GRID2: variants seen among roughly 807,000 people sequenced by gnomAD.
The protein encoded by GRID2 is glutamate ionotropic receptor delta type subunit 2, also known as glutamate receptor ionotropic, delta-2.
A neutral mutation model predicts 114.8 loss-of-function variants in GRID2; 33 were observed. The observed-to-expected ratio is 0.29, with a 90% CI of 0.22 to 0.38. The LOEUF (loss-of-function observed/expected upper bound fraction) is 0.38, where lower values mean the gene tolerates loss of function less well. Ranked by LOEUF, GRID2 falls within the 10% of genes least tolerant of loss-of-function variation. GRID2 has a pLI of 1.00. For synonymous variants in GRID2, 505 were observed against 449.9 expected (o/e 1.12, Z -1.55); for missense variants, 1,184 against 1,257.7 (o/e 0.94, Z 0.89).
intron 8 of GRID2, among the ~76,000 whole-genome samples, chr4:93,281,275 GT>G (rs1255668050): frequency 6.6e-6 from 1 of 151,720 alleles, no homozygotes; most frequent in Non-Finnish European, 1.5e-5. Context: ...TACTTGACAG[GT>G]ATAGGAAACA....
chr4:92,879,082 G>A (rs967867340), intron 2 of GRID2, among the ~76,000 whole-genome samples: 2 of 152,178 alleles, frequency 1.3e-5, no homozygotes, highest in Middle Eastern at 3.4e-3. Flanking sequence ...ATATAGAATT[G>A]TATGTATATT....
chr4:93,733,552 C>T (rs1730668861), intron 14 of GRID2, among the ~76,000 whole-genome samples: 1 of 152,162 alleles, frequency 6.6e-6, no homozygotes, highest in African/African-American at 2.4e-5. Context: ...ATAGAGTTCT[C>T]TATCTCCATC....
chr4:93,455,997 A>G lies in GRID2; in HGVS notation c.1858+23A>G, dbSNP rs762469208. 2.8e-5 allele frequency: 38 copies of G among 1,364,060 alleles called. No homozygotes were observed. The East Asian group carries it at 8.5e-4, about 30-fold the overall frequency. The allele number at this position is 1,364,060 out of a possible 1,614,324, so 84.5% of individuals were successfully genotyped here. A position where few individuals can be genotyped will look rare whatever the true frequency, so the allele number is the denominator to read the frequency against. ...AAGGTAAGGAGCAAAAGTACATTCT[A>G]GTATTTAAAAAAAATAGAATGTGAT... On this transcript the variant is annotated intron_variant, in intron 11 of 15. Transcript: ENST00000282020.
intron 12 of GRID2, among the ~76,000 whole-genome samples, chr4:93,496,715 C>T (rs1049301776): frequency 6.6e-6 from 1 of 151,768 alleles, no homozygotes; most frequent in Non-Finnish European, 1.5e-5. Context: ...TAGTTCATTG[C>T]TTTTTATTGC....
At chr4:93,151,634 A>G (rs1360521437) in intron 4 of GRID2, among the ~76,000 whole-genome samples, 3 of 152,172 alleles carry the variant, frequency 2.0e-5, no homozygotes, top group Non-Finnish European at 4.4e-5. Flanking sequence ...TAATAGTGAT[A>G]TAAACATTTA....
chr4:93,355,285 A>G (rs1261523118), intron 8 of GRID2, among the ~76,000 whole-genome samples: 2 of 151,922 alleles, frequency 1.3e-5, no homozygotes, highest in Non-Finnish European at 2.9e-5. Context: ...TTTCCACTCC[A>G]TTTGATGTCT....
intron 8 of GRID2, among the ~76,000 whole-genome samples, chr4:93,250,637 T>C (rs1205401998): frequency 1.5e-5 from 1 of 67,014 alleles, no homozygotes; most frequent in Non-Finnish European, 2.6e-5. Flanking sequence ...CTGAAATCAT[T>C]ACATATATAT....
chr4:92,837,946 G>C (rs1314604381), intron 2 of GRID2, among the ~76,000 whole-genome samples: 1 of 151,950 alleles, frequency 6.6e-6, no homozygotes, highest in Non-Finnish European at 1.5e-5. Context: ...TTTATTCCTA[G>C]GAGAGATATC....
At chr4:93,055,880 T>G (rs1727185363) in intron 2 of GRID2, among the ~76,000 whole-genome samples, 1 of 151,956 alleles carries the variant, frequency 6.6e-6, no homozygotes, top group Admixed American at 6.6e-5. Context: ...TGTAACTCAT[T>G]TACAAACTAA....
chr4:92,662,480 G>T (rs532969599), intron 2 of GRID2, among the ~76,000 whole-genome samples: 1 of 150,916 alleles, frequency 6.6e-6, no homozygotes, highest in Admixed American at 6.6e-5. Context: ...CAATAAAAAT[G>T]GATATATGAT....
intron 1 of GRID2, among the ~76,000 whole-genome samples, chr4:93,788,240 C>T (rs972131086): frequency 2.0e-5 from 3 of 151,864 alleles, no homozygotes; most frequent in Non-Finnish European, 2.9e-5. Flanking sequence ...ATAGCTTGAA[C>T]CCGGGAGGCG....
chr4:92,662,591 A>G (rs566466320), intron 2 of GRID2, among the ~76,000 whole-genome samples: 1 of 147,490 alleles, frequency 6.8e-6, no homozygotes, highest in Admixed American at 6.8e-5. Context: ...GATAAAGAAT[A>G]AAAAAAAAAG....
At chr4:93,192,308 C>G (rs990623170) in intron 4 of GRID2, among the ~76,000 whole-genome samples, 1 of 152,140 alleles carries the variant, frequency 6.6e-6, no homozygotes, top group African/African-American at 2.4e-5. Context: ...AAATAGATAG[C>G]CTTCTCTAAC....
At chr4:92,494,846 C>T (rs889659431) in intron 1 of GRID2, among the ~76,000 whole-genome samples, 6 of 151,752 alleles carry the variant, frequency 4.0e-5, no homozygotes, top group African/African-American at 1.2e-4. Context: ...GTGGTTTTTG[C>T]CATTTTTAAT....
intron 2 of GRID2, among the ~76,000 whole-genome samples, chr4:92,692,845 A>T (rs1734240573): frequency 6.6e-6 from 1 of 152,072 alleles, no homozygotes; most frequent in Non-Finnish European, 1.5e-5. Context: ...CAACATGGCG[A>T]AACCCCATCT....
intron 12 of GRID2, among the ~76,000 whole-genome samples, chr4:93,505,693 GTATTTAT>G (rs1354648248): frequency 4.7e-5 from 7 of 148,994 alleles, no homozygotes; most frequent in East Asian, 2.0e-4. Context: ...ATTTTATAAT[GTATTTAT>G]TATTAAATAT....
In GRID2 at chr4:92,360,745, C is replaced by T. The variant is rs149958131; in HGVS notation, c.88+56001C>T. On this transcript the variant is annotated intron_variant, in intron 1 of 15. Transcript: ENST00000282020. ...GCAGAAGAAGCAGAGGTATGGAAGA[C>T]CATATTGAGTCTAGGGAATCATCAG... Among the ~76,000 whole-genome samples, 8 of 151,890 alleles carry T rather than the reference C, an allele frequency of 5.3e-5. No homozygotes were observed. In the East Asian group the frequency reaches 1.6e-3, roughly 30 times the overall value.
chr4:93,076,182 G>A (rs1032162024), intron 2 of GRID2, among the ~76,000 whole-genome samples: 1 of 152,094 alleles, frequency 6.6e-6, no homozygotes, highest in African/African-American at 2.4e-5. Context: ...ACAGGCGTGA[G>A]CAACTATCTC....
At chr4:93,040,020 C>T (rs1226365934) in intron 2 of GRID2, among the ~76,000 whole-genome samples, 1 of 152,056 alleles carries the variant, frequency 6.6e-6, no homozygotes, top group East Asian at 1.9e-4. Context: ...GTTGATCTCC[C>T]AAGTTATTTT....
Sources: allele counts gnomAD v4.1 joint callset (sites outside exome capture counted in the v4.1 genomes callset), GRCh38; gene constraint gnomAD v4.1.1; transcripts MANE v1.5; gene names NCBI Gene and HGNC (gene_info 2026-07-23, HGNC 2026-07-21).